ASTN2: variants seen among roughly 807,000 people sequenced by gnomAD.
ASTN2 encodes astrotactin 2.
ASTN2 carries 54 observed loss-of-function variants against 139.8 expected under a neutral mutation model. That is an observed-to-expected ratio of 0.39 (90% confidence interval 0.31 to 0.48). The LOEUF (loss-of-function observed/expected upper bound fraction) is 0.48, where lower values mean the gene tolerates loss of function less well. Ranked by LOEUF, ASTN2 falls within the 20% of genes least tolerant of loss-of-function variation. The probability of loss-of-function intolerance (pLI) is 0.95; values close to 1 mark genes in which losing one functional copy is unlikely to be tolerated. For missense variants in ASTN2, 1,565 were observed against 1,725.1 expected, an observed-to-expected ratio of 0.91 and a Z score of 1.64; for synonymous variants, 756 against 719.5, an observed-to-expected ratio of 1.05 and a Z score of -0.81.
At chr9:116,790,989 AAGAAAG>A in intron 13 of ASTN2, among the ~76,000 whole-genome samples, 1 of 113,446 alleles carries the variant, frequency 8.8e-6, no homozygotes, top group Non-Finnish European at 1.8e-5. Flanking sequence ...GAAAGAAAGA[AAGAAAG>A]AAAGAAAGAA....
intron 2 of ASTN2, among the ~76,000 whole-genome samples, chr9:117,256,188 C>G (rs1349586389): frequency 6.6e-6 from 1 of 152,098 alleles, no homozygotes; most frequent in Admixed American, 6.5e-5. Context: ...CATGTTCAGC[C>G]TCACCCAGGA....
intron 3 of ASTN2, among the ~76,000 whole-genome samples, chr9:117,181,738 C>A (rs1002563421): frequency 6.6e-6 from 1 of 152,136 alleles, no homozygotes; most frequent in South Asian, 2.1e-4. Context: ...TAAAGAAATC[C>A]ATAGCAAGTA....
intron 10 of ASTN2, among the ~76,000 whole-genome samples, chr9:116,915,391 G>C (rs879897814): frequency 1.3e-5 from 2 of 152,174 alleles, no homozygotes; most frequent in African/African-American, 4.8e-5. Context: ...TCTGCCTCAA[G>C]TTCCTGACAT....
chr9:117,330,635 T>C (rs192789573), intron 1 of ASTN2, among the ~76,000 whole-genome samples: 19 of 152,296 alleles, frequency 1.2e-4, no homozygotes, highest in African/African-American at 1.7e-4. Context: ...TCATTCTACA[T>C]GAACACATGT....
chr9:116,779,685 C>T (rs182092155), intron 13 of ASTN2, among the ~76,000 whole-genome samples: 3 of 152,134 alleles, frequency 2.0e-5, no homozygotes, highest in Admixed American at 2.0e-4. Context: ...TGCTAATTTC[C>T]CTTCTTTTTC....
chr9:117,064,421 CT>C (rs1827870844), intron 5 of ASTN2, among the ~76,000 whole-genome samples: 2 of 152,144 alleles, frequency 1.3e-5, no homozygotes. Context: ...AATGGGGAAA[CT>C]GGGATTTGGA....
intron 5 of ASTN2, among the ~76,000 whole-genome samples, chr9:117,040,217 G>C (rs959628565): frequency 1.3e-5 from 2 of 152,160 alleles, no homozygotes; most frequent in African/African-American, 2.4e-5. Flanking sequence ...CAGGCTTTCT[G>C]AAACTCATGG....
intron 1 of ASTN2, among the ~76,000 whole-genome samples, chr9:117,396,507 ATTTTTT>A (rs1405556822): frequency 2.0e-5 from 3 of 152,114 alleles, no homozygotes; most frequent in East Asian, 3.9e-4. Flanking sequence ...TTTACTTTTT[ATTTTTT>A]ATTTTTGTGT....
intron 10 of ASTN2, among the ~76,000 whole-genome samples, chr9:116,878,855 A>G (rs1833372675): frequency 6.6e-6 from 1 of 151,674 alleles, no homozygotes; most frequent in Non-Finnish European, 1.5e-5. Flanking sequence ...ACCCACATGG[A>G]GTCACTGAGA....
chr9:117,312,205 A>T (rs1468857381), intron 1 of ASTN2, among the ~76,000 whole-genome samples: 1 of 152,218 alleles, frequency 6.6e-6, no homozygotes, highest in African/African-American at 2.4e-5. Context: ...AAATTTTTCC[A>T]AAGAGTGGGA....
intron 1 of ASTN2, among the ~76,000 whole-genome samples, chr9:117,368,287 G>A (rs1829900603): frequency 1.3e-5 from 2 of 151,518 alleles, no homozygotes; most frequent in African/African-American, 4.8e-5. Flanking sequence ...GCGCACACAT[G>A]TGCATGCACA....
intron 11 of ASTN2, among the ~76,000 whole-genome samples, chr9:116,855,422 T>C (rs1446260587): frequency 6.6e-6 from 1 of 152,182 alleles, no homozygotes; most frequent in Non-Finnish European, 1.5e-5. Flanking sequence ...TTCCCTTCTT[T>C]ACTGGCTATT....
chr9:116,793,052 C>T (rs1159603551), intron 13 of ASTN2, among the ~76,000 whole-genome samples: 1 of 151,734 alleles, frequency 6.6e-6, no homozygotes, highest in East Asian at 1.9e-4. Context: ...CAGGATCATG[C>T]AATATACCCA....
At chr9:116,892,079 G>A (rs16934028) in intron 10 of ASTN2, among the ~76,000 whole-genome samples, 7,894 of 152,134 alleles carry the variant, frequency 0.052, 459 homozygotes, top group African/African-American at 0.14. Flanking sequence ...CATAAACTTT[G>A]CTTAGAAATA....
intron 2 of ASTN2, among the ~76,000 whole-genome samples, chr9:117,216,571 G>A (rs1206322909): frequency 6.6e-6 from 1 of 152,196 alleles, no homozygotes; most frequent in African/African-American, 2.4e-5. Context: ...AAATATATGT[G>A]TAAATGCATG....
intron 13 of ASTN2, among the ~76,000 whole-genome samples, chr9:116,779,274 C>T (rs1260496824): frequency 1.3e-5 from 2 of 152,076 alleles, no homozygotes; most frequent in Non-Finnish European, 2.9e-5. Context: ...TATAAGAGAG[C>T]TTAACAGAGG....
At chr9:116,924,941 T>C (rs985790355) in intron 10 of ASTN2, among the ~76,000 whole-genome samples, 1 of 152,126 alleles carries the variant, frequency 6.6e-6, no homozygotes, top group Non-Finnish European at 1.5e-5. Context: ...ATGAAGTCAC[T>C]GTGGTTCAAA....
At chr9:117,406,136 C>T (rs1246102050) in intron 1 of ASTN2, among the ~76,000 whole-genome samples, 2 of 152,162 alleles carry the variant, frequency 1.3e-5, no homozygotes, top group East Asian at 3.9e-4. Context: ...GGGTGAGTCA[C>T]CACAGCCCCA....
At chr9:117,248,199 G>A (rs965950633) in intron 2 of ASTN2, among the ~76,000 whole-genome samples, 2 of 152,202 alleles carry the variant, frequency 1.3e-5, no homozygotes, top group Admixed American at 1.3e-4. Context: ...TCTACATCAA[G>A]TGAAGTGTTA....
Sources: gnomAD v4.1 joint callset for allele counts (sites outside exome capture counted in the v4.1 genomes callset) on GRCh38, gnomAD v4.1.1 for gene constraint, MANE v1.5 for transcripts, NCBI Gene and HGNC (gene_info 2026-07-23, HGNC 2026-07-21) for gene names.